The following TRAK1 variants were observed in gnomAD, a reference collection of about 807,000 sequenced individuals.
The protein encoded by TRAK1 is trafficking kinesin protein 1.
Under a neutral mutation model 92.1 loss-of-function variants are expected in TRAK1, and 33 were observed. The ratio of observed to expected loss-of-function variants is 0.36; its 90% CI spans 0.27 to 0.48. The LOEUF is 0.48. Among genes scored for constraint, TRAK1 ranks in the 20% least tolerant of loss-of-function variants. TRAK1 has a pLI of 0.99. For missense variants in TRAK1, 1,123 were observed against 1,257.9 expected (o/e 0.89, Z 1.62); for synonymous variants, 521 against 517.3 (o/e 1.01, Z -0.10).
intron 8 of TRAK1, 110 bp from the exon 9 acceptor site, chr3:42,193,714 C>A: frequency 9.1e-7 from 1 of 1,104,332 alleles, no homozygotes; most frequent in Non-Finnish European, 1.4e-6. Flanking sequence ...ATAAGATGAG[C>A]ATGTCCTTGT....
rs1282480187 is a variant in TRAK1 at position 42,225,574 on chromosome 3, CAGAG to C, written c.*1843_*1846del. The C allele has an allele frequency of 6.6e-6, 1 of 152,122 alleles. No individual in the cohort carries two copies. Among genetic ancestry groups the C allele is most frequent in the Non-Finnish European group, 1.5e-5 (1 of 68,038 alleles). 9.4% of individuals were successfully genotyped at this position (152,122 alleles called of 1,614,324 possible). ...GACTGAATGGACCATTTTATGTATT[CAGAG>C]AGAGAAGCCACTCATCATTGCCAGA... On this transcript the variant is annotated 3_prime_UTR_variant, in exon 16 of 16. Coordinates refer to ENST00000327628, the MANE Select transcript of TRAK1 (RefSeq NM_001042646.3).
chr3:42,183,281 C>T (rs988881558), intron 3 of TRAK1, among the ~76,000 whole-genome samples: 6 of 152,164 alleles, frequency 3.9e-5, no homozygotes, highest in South Asian at 2.1e-4. Context: ...GTTGGCCTGG[C>T]GCAGTGGTTC....
In TRAK1 at chr3:42,203,585, A is replaced by G. The variant is rs1458735132; in HGVS notation, c.1744+833A>G. On this transcript the variant is annotated intron_variant, in intron 13 of 15. Coordinates refer to ENST00000327628, the MANE Select transcript of TRAK1 (RefSeq NM_001042646.3). ...CTGCCAAGAGCCACCAAGTGCTTAT[A>G]TTTTTCATTTTTTACTCCTTTAGTT... 4 of 968,952 alleles carry G rather than the reference A, an allele frequency of 4.1e-6. No homozygotes were observed. The Admixed American group carries it at 2.1e-4, about 52-fold the overall frequency. The allele number at this position is 968,952 out of a possible 1,614,324, so 60.0% of individuals were successfully genotyped here.
At chr3:42,064,038 C>T (rs943035441) in intron 1 of TRAK1, among the ~76,000 whole-genome samples, 2 of 152,208 alleles carry the variant, frequency 1.3e-5, no homozygotes, top group African/African-American at 4.8e-5. Context: ...GAGAGAGGCC[C>T]AGTCATCCCT....
At chr3:42,199,087 C>G in intron 10 of TRAK1, 90 bp from the exon 11 acceptor site, 1 of 1,395,500 alleles carries the variant, frequency 7.2e-7, no homozygotes, top group Non-Finnish European at 1.0e-6. Flanking sequence ...TTGGTTTACT[C>G]TCCATGGCCC....
At chr3:42,070,252 ATT>A (rs1357059240) in intron 1 of TRAK1, among the ~76,000 whole-genome samples, 43 of 145,682 alleles carry the variant, frequency 3.0e-4, no homozygotes, top group African/African-American at 1.0e-3. Context: ...AATAATAATT[ATT>A]ATAATTATAA....
At chr3:42,195,938 G>T (rs1706557156) in intron 10 of TRAK1, among the ~76,000 whole-genome samples, 1 of 152,110 alleles carries the variant, frequency 6.6e-6, no homozygotes, top group African/African-American at 2.4e-5. Flanking sequence ...CTCCTTCCTG[G>T]CTTGTCATCT....
At chr3:42,046,973 A>G (rs905001410) in intron 1 of TRAK1, among the ~76,000 whole-genome samples, 1 of 152,146 alleles carries the variant, frequency 6.6e-6, no homozygotes, top group Non-Finnish European at 1.5e-5. Flanking sequence ...TTAAGGGGTT[A>G]TGGAAACTGA....
intron 3 of TRAK1, among the ~76,000 whole-genome samples, chr3:42,178,769 G>A (rs1703569206): frequency 6.6e-6 from 1 of 152,156 alleles, no homozygotes; most frequent in Non-Finnish European, 1.5e-5. Flanking sequence ...GAGCACAGGA[G>A]TTTGAGACCA....
intron 1 of TRAK1, among the ~76,000 whole-genome samples, chr3:42,099,444 T>G (rs1168934049): frequency 3.3e-5 from 5 of 152,278 alleles, no homozygotes; most frequent in Admixed American, 1.3e-4. Context: ...AATCTTGACC[T>G]TCCAGGAGGT....
At chr3:42,083,832 T>C (rs1159351852), upstream of TRAK1, among the ~76,000 whole-genome samples, 2 of 152,010 alleles carry the variant, frequency 1.3e-5, no homozygotes, top group African/African-American at 4.8e-5. Context: ...ATTGTGCCAC[T>C]GCACTCCAGC....
chr3:42,157,457 C>CAGAAAA (rs1700673871), intron 2 of TRAK1, among the ~76,000 whole-genome samples: 1 of 31,108 alleles, frequency 3.2e-5, no homozygotes, highest in African/African-American at 1.2e-4. Context: ...GACCCTGTCT[C>CAGAAAA]AAAAAAAAAA....
chr3:42,158,961 A>AAATAATAATAATAAT (rs4016239), intron 2 of TRAK1, among the ~76,000 whole-genome samples: 74 of 140,172 alleles, frequency 5.3e-4, no homozygotes, highest in African/African-American at 1.4e-3. Context: ...TCTGTCTCAA[A>AAATAATAATAATAAT]AATAATAATA....
At chr3:42,073,661 C>G (rs1042335612) in intron 1 of TRAK1, among the ~76,000 whole-genome samples, 3 of 152,186 alleles carry the variant, frequency 2.0e-5, no homozygotes, top group Non-Finnish European at 4.4e-5. Flanking sequence ...TGCTTTTTTG[C>G]TCACCTGGCA....
chr3:42,084,813 T>C (rs61585110), upstream of TRAK1, among the ~76,000 whole-genome samples: 1,638 of 150,886 alleles, frequency 0.011, 25 homozygotes, highest in African/African-American at 0.038. Flanking sequence ...TTTTTTTTTT[T>C]TCCTTATGCC....
intron 13 of TRAK1, among the ~76,000 whole-genome samples, chr3:42,204,741 C>A (rs973598338): frequency 6.6e-6 from 1 of 152,204 alleles, no homozygotes; most frequent in East Asian, 1.9e-4. Context: ...TGCACCACCA[C>A]ACCTGGCTAA....
chr3:42,036,073 T>G (rs1179395858), intron 1 of TRAK1, among the ~76,000 whole-genome samples: 1 of 152,204 alleles, frequency 6.6e-6, no homozygotes, highest in African/African-American at 2.4e-5. Flanking sequence ...TGCTGATATT[T>G]TGGTCTGCGG....
chr3:42,207,272 C>G (rs769085229), intron 13 of TRAK1, among the ~76,000 whole-genome samples: 3 of 152,180 alleles, frequency 2.0e-5, no homozygotes, highest in Non-Finnish European at 4.4e-5. Flanking sequence ...AGCATTTGTA[C>G]TGGGGCCCAT....
chr3:42,091,499 C>T lies in TRAK1; in HGVS notation c.30C>T (p.Pro10=), dbSNP rs200587226. Reference sequence around the variant, plus strand: ...CATTGGTTTTTCAATTCGGGCAGCCCGTCAGGGCTCAGCCTCTGCCAGGAC... The same window carrying T: ...CATTGGTTTTTCAATTCGGGCAGCCTGTCAGGGCTCAGCCTCTGCCAGGAC... MALVFQFGQ[P]VRAQPLPGLC... The change falls in exon 1 of 16, where the codon CCC becomes CCT. Residue 10 remains proline (P), a synonymous_variant. Coordinates refer to ENST00000327628, the MANE Select transcript of TRAK1 (RefSeq NM_001042646.3). The T allele has an allele frequency of 1.1e-4, 173 of 1,613,544 alleles. No homozygotes were observed. The African/African-American group carries it at 1.7e-3, about 16-fold the overall frequency.
Sources: gnomAD v4.1 joint callset for allele counts (sites outside exome capture counted in the v4.1 genomes callset) on GRCh38, gnomAD v4.1.1 for gene constraint, MANE v1.5 for transcripts, NCBI Gene and HGNC (gene_info 2026-07-23, HGNC 2026-07-21) for gene names.